Variants in UBAP2L observed in about 807,000 individuals in gnomAD.
UBAP2L encodes ubiquitin associated protein 2 like, also known as ubiquitin-associated protein 2-like.
Under a neutral mutation model 130.6 loss-of-function variants are expected in UBAP2L, and 12 were observed. The ratio of observed to expected loss-of-function variants is 0.09; its 90% CI spans 0.06 to 0.15. UBAP2L has a LOEUF of 0.15. Among genes scored for constraint, UBAP2L ranks in the 10% least tolerant of loss-of-function variants. UBAP2L has a pLI of 1.00. For missense variants in UBAP2L, 965 were observed against 1,332.5 expected (o/e 0.72, Z 4.29); for synonymous variants, 503 against 524.7 (o/e 0.96, Z 0.57).
At chr1:154,244,644 C>T (rs1674737147) in intron 10 of UBAP2L, among the ~76,000 whole-genome samples, 1 of 152,074 alleles carries the variant, frequency 6.6e-6, no homozygotes, top group African/African-American at 2.4e-5. Flanking sequence ...AGGTGTGAGC[C>T]ACCACACCTG....
intron 8 of UBAP2L, 145 bp downstream of exon 8, chr1:154,237,281 G>A: frequency 1.4e-6 from 1 of 714,816 alleles, no homozygotes; most frequent in Admixed American, 2.4e-5. Flanking sequence ...ATTACTGTGT[G>A]TACTGTTTAT....
Position 154,251,474 on chromosome 1 carries a change from TTTA to T in UBAP2L, c.1492-5_1492-3del. On this transcript the variant is annotated splice_polypyrimidine_tract_variant and splice_region_variant and intron_variant, in intron 13 of 26. Transcript: ENST00000428931. The stretch of plus-strand genomic sequence containing the variant: ...CCATTACTTTCTCTTCTCCTTCAAC[TTTA>T]TAGATTCCTGCTCTGGCTGTGGAGA... 6.2e-7 allele frequency: 1 copy of T among 1,612,848 alleles called. No homozygotes were observed. The highest frequency in any genetic ancestry group is 8.5e-7 in the Non-Finnish European group (1 of 1,179,442).
intron 1 of UBAP2L, 25 bp downstream of exon 1, chr1:154,221,000 T>TGGCGGCGGC (rs557489922): frequency 1.6e-4 from 30 of 192,842 alleles, no homozygotes; most frequent in East Asian, 5.3e-4. Context: ...GCAGCGGCGT[T>TGGCGGCGGC]GGCGGCGGCG....
At chr1:154,241,410 A>G in intron 8 of UBAP2L, 103 bp from the exon 9 acceptor site, 1 of 1,147,722 alleles carries the variant, frequency 8.7e-7, no homozygotes, top group South Asian at 1.3e-5. Flanking sequence ...AATTTTAGTC[A>G]TACTTTTGGC....
In UBAP2L at chr1:154,234,687, C is replaced by T. The variant is rs199924270; in HGVS notation, c.376C>T (p.Arg126Trp). 2.4e-5 allele frequency: 38 copies of T among 1,613,790 alleles called. No individual in the cohort carries two copies. In the Admixed American group the frequency reaches 3.5e-4, roughly 15 times the overall value. The change falls in exon 5 of 27, where the codon CGG becomes TGG. Residue 126 changes from arginine to tryptophan, a missense_variant. Around this residue, in one of 9 missense-constraint regions of UBAP2L, gnomAD observed 109 missense variants for 146.6 expected, o/e 0.74. Transcript: ENST00000428931. ...SNEEGKENRD[R>W]DRDYSRRRGG... ...TGAGGAAGGCAAAGAAAATCGAGAC[C>T]GGGACAGAGACTATAGTCGGCGACG...
chr1:154,263,163 G>C (rs1227932809), intron 24 of UBAP2L: 1 of 1,552,002 alleles, frequency 6.4e-7, no homozygotes, highest in Non-Finnish European at 8.7e-7. Flanking sequence ...TTTGGCCCAA[G>C]GCTGGGGGCT....
intron 26 of UBAP2L, chr1:154,269,640 A>G: frequency 2.9e-6 from 1 of 347,452 alleles, no homozygotes; most frequent in South Asian, 2.2e-5. Flanking sequence ...CGGTTACCAG[A>G]ATGGAAAAGA....
In UBAP2L at chr1:154,257,194, C is replaced by T. The variant is rs1679957131; in HGVS notation, c.2289C>T (p.Gly763=). 1.2e-6 allele frequency: 2 copies of T among 1,614,210 alleles called. No individual in the cohort carries two copies. The highest frequency in any genetic ancestry group is 1.7e-6 in the Non-Finnish European group (2 of 1,180,036). ...GTCTCAATAGTGGCAGTAGCCTGGGCCTCAGCCTAGGCAGCAACTCCACTG... is the reference window on the plus strand; with the variant it reads ...GTCTCAATAGTGGCAGTAGCCTGGGTCTCAGCCTAGGCAGCAACTCCACTG... ...SSSLNSGSSL[G]LSLGSNSTVT... The change falls in exon 19 of 27, where the codon GGC becomes GGT. Residue 763 remains glycine, a synonymous_variant. Transcript: ENST00000428931.
Position 154,259,838 on chromosome 1 carries a change from G to A in UBAP2L, c.2497-110G>A, listed in dbSNP as rs181267442. 3.1e-5 allele frequency: 36 copies of A among 1,166,998 alleles called. No individual in the cohort carries two copies. The African/African-American group carries it at 5.4e-4, about 18-fold the overall frequency. 72.3% of individuals were successfully genotyped at this position (1,166,998 alleles called of 1,614,324 possible). On this transcript the variant is annotated intron_variant, in intron 21 of 26. Transcript: ENST00000428931. ...CTCTAGCCAGCTTAATTAGTGACTG[G>A]ATAAATTGCACAACTCTCACATTCT...
At chr1:154,228,190 T>G (rs762921893) in intron 3 of UBAP2L, among the ~76,000 whole-genome samples, 110 of 146,418 alleles carry the variant, frequency 7.5e-4, no homozygotes, top group Non-Finnish European at 1.5e-3. Context: ...TTCTTTTTTG[T>G]TTTTTTTTTT....
In UBAP2L at chr1:154,270,791, T is replaced by TAAA; in HGVS notation, c.*496_*497insAAA. The stretch of plus-strand genomic sequence containing the variant: ...TTTTGTTTTTTTTTTTTTTTTGTAC[T>TAAA]GTGTCCTCAAATTTAATGGATTAAT... On this transcript the variant is annotated 3_prime_UTR_variant, in exon 27 of 27. Coordinates refer to ENST00000428931, the MANE Select transcript of UBAP2L (RefSeq NM_014847.4). 1 of 1,116,546 alleles carries TAAA rather than the reference T, an allele frequency of 9.0e-7. No individual in the cohort carries two copies. The highest frequency in any genetic ancestry group is 1.2e-6 in the Non-Finnish European group (1 of 849,636). The allele number at this position is 1,116,546 out of a possible 1,614,324, so 69.2% of individuals were successfully genotyped here.
intron 26 of UBAP2L, chr1:154,269,454 T>A (rs764439987): frequency 1.8e-5 from 24 of 1,298,022 alleles, no homozygotes; most frequent in Admixed American, 2.3e-5. Flanking sequence ...CCACTCCTTT[T>A]CAGTCCCCAT....
At position 154,242,932 on chromosome 1, in the gene UBAP2L, A is replaced by C. The variant is rs139317424; in HGVS notation, c.757-285A>C. ...AATATAGAGGGATTTTCTTTCTTTTATTTTTTTTTTTTTATGTCTAGCATG... is the reference window on the plus strand; with the variant it reads ...AATATAGAGGGATTTTCTTTCTTTTCTTTTTTTTTTTTTATGTCTAGCATG... On this transcript the variant is annotated intron_variant, in intron 9 of 26. Coordinates refer to ENST00000428931, the MANE Select transcript of UBAP2L (RefSeq NM_014847.4). The C allele has an allele frequency of 3.4e-3, 570 of 169,156 alleles. 3 individuals are homozygous for C. The highest frequency in any genetic ancestry group is 5.4e-3 in the Non-Finnish European group (449 of 82,402). 10.5% of individuals were successfully genotyped at this position (169,156 alleles called of 1,614,324 possible).
At chr1:154,240,307 CA>C (rs1011522456) in intron 8 of UBAP2L, among the ~76,000 whole-genome samples, 5 of 151,636 alleles carry the variant, frequency 3.3e-5, no homozygotes, top group East Asian at 1.9e-4. Flanking sequence ...TAAGAAAGGA[CA>C]TTTTTTTTTT....
At chr1:154,265,075 C>T (rs1682837698) in intron 24 of UBAP2L, among the ~76,000 whole-genome samples, 1 of 152,162 alleles carries the variant, frequency 6.6e-6, no homozygotes, top group East Asian at 1.9e-4. Flanking sequence ...GAAGTATTTT[C>T]TCTTGCTTGG....
At chr1:154,269,483 G>C in intron 26 of UBAP2L, 1 of 1,250,400 alleles carries the variant, frequency 8.0e-7, no homozygotes, top group Non-Finnish European at 1.1e-6. Flanking sequence ...CACAGCCTCA[G>C]GGAACTTGAA....
intron 24 of UBAP2L, chr1:154,263,489 G>A (rs1449369760): frequency 1.0e-5 from 11 of 1,089,872 alleles, no homozygotes; most frequent in Non-Finnish European, 1.1e-5. Context: ...ATAAACTGTG[G>A]TATTTCTTTA....
chr1:154,220,497 C>G (rs1465220526), upstream of UBAP2L: 88 of 1,438,576 alleles, frequency 6.1e-5, no homozygotes, highest in Non-Finnish European at 8.1e-5. Flanking sequence ...GCGCCTGGGT[C>G]CCCTGGAGCT....
At chr1:154,248,148 G>T (rs1377737001) in intron 11 of UBAP2L, among the ~76,000 whole-genome samples, 1 of 151,860 alleles carries the variant, frequency 6.6e-6, no homozygotes, top group African/African-American at 2.4e-5. Flanking sequence ...TGTATTTTTA[G>T]CAGAGACAGG....
Sources: allele counts gnomAD v4.1 joint callset (sites outside exome capture counted in the v4.1 genomes callset), GRCh38; gene constraint gnomAD v4.1.1; regional missense constraint gnomAD v4.1.1; transcripts MANE v1.5; gene names NCBI Gene and HGNC (gene_info 2026-07-23, HGNC 2026-07-21).